The following MSI2 variants were observed in gnomAD, a reference collection of about 807,000 sequenced individuals.
The protein encoded by MSI2 is musashi RNA binding protein 2.
MSI2 carries 17 observed loss-of-function variants against 45.6 expected under a neutral mutation model. That is an observed-to-expected ratio of 0.37 (90% CI 0.26 to 0.56). The LOEUF (loss-of-function observed/expected upper bound fraction) is 0.56, where lower values mean the gene tolerates loss of function less well. Ranked by LOEUF, MSI2 falls within the 20% of genes least tolerant of loss-of-function variation. MSI2 has a pLI of 0.77. For missense variants in MSI2, 293 were observed against 444.2 expected, an observed-to-expected ratio of 0.66 and a Z score of 3.06; for synonymous variants, 156 against 158.2, an observed-to-expected ratio of 0.99 and a Z score of 0.11.
At chr17:57,505,180 A>C (rs1470928662) in intron 6 of MSI2, among the ~76,000 whole-genome samples, 1 of 152,136 alleles carries the variant, frequency 6.6e-6, no homozygotes, top group Non-Finnish European at 1.5e-5. Flanking sequence ...AACAGCAAAG[A>C]AGTGAGCCTG....
chr17:57,626,550 CAG>C (rs1221506745), intron 9 of MSI2: 2 of 152,294 alleles, frequency 1.3e-5, no homozygotes, highest in South Asian at 2.1e-4. Flanking sequence ...CCTGCTGAGA[CAG>C]GGGTCTAGAA....
In MSI2 at chr17:57,413,156, T is replaced by TAC. The variant is rs142358775; in HGVS notation, c.405+11700_405+11701dup. On this transcript the variant is annotated intron_variant, in intron 6 of 13. Coordinates refer to ENST00000284073, the MANE Select transcript of MSI2 (RefSeq NM_138962.4). The stretch of plus-strand genomic sequence containing the variant: ...GCTTGCTAGTGCAACAGCCTTTATA[T>TAC]ACACACACACACACACTCTCTCTCT... Among the ~76,000 whole-genome samples the TAC allele has an allele frequency of 4.8e-3, 725 of 151,764 alleles. 1 individual carries two copies. Among genetic ancestry groups the TAC allele is most frequent in the Middle Eastern group, 0.01 (3 of 294 alleles).
chr17:57,523,129 C>T (rs1156837017), intron 6 of MSI2, among the ~76,000 whole-genome samples: 1 of 151,606 alleles, frequency 6.6e-6, no homozygotes, highest in Non-Finnish European at 1.5e-5. Flanking sequence ...CTCACTGCAA[C>T]CTCCACCTCC....
At chr17:57,693,872 G>C in the MSI2 span, among the ~76,000 whole-genome samples, 1 of 152,208 alleles carries the variant, frequency 6.6e-6, no homozygotes, top group Non-Finnish European at 1.5e-5. Flanking sequence ...TATGGTCCTT[G>C]GGCCAAATCA....
intron 5 of MSI2, among the ~76,000 whole-genome samples, chr17:57,357,169 A>G (rs921561552): frequency 5.3e-5 from 8 of 152,048 alleles, no homozygotes; most frequent in African/African-American, 1.7e-4. Context: ...AGCCTTGTTC[A>G]CTGCCACAAA....
At position 57,627,596 on chromosome 17, in the gene MSI2, T is replaced by C. The variant is rs1567945939; in HGVS notation, c.727+293T>C. The C allele has an allele frequency of 1.5e-5, 7 of 456,492 alleles. No homozygotes were observed. The South Asian group carries it at 1.9e-4, about 12-fold the overall frequency. The allele number at this position is 456,492 out of a possible 1,614,324, so 28.3% of individuals were successfully genotyped here. A position where few individuals can be genotyped will look rare whatever the true frequency, so the allele number is the denominator to read the frequency against. On this transcript the variant is annotated intron_variant, in intron 10 of 13. Transcript: ENST00000284073. This position sits in a 1 kb window ranked among gnomAD's most constrained non-coding sequence, Gnocchi z 4.6. ...GCTCACCTCCTTTTTCTGAAGCCTC[T>C]TCCGGGTTTTTTCTCACTGGGGACT... is the stretch of plus-strand genomic sequence containing the variant.
At chr17:57,279,579 C>G (rs72830820) in intron 5 of MSI2, 1 of 152,162 alleles carries the variant, frequency 6.6e-6, no homozygotes, top group African/African-American at 2.4e-5. Context: ...CTTGTGGAGT[C>G]TGTGGCTGGC....
At chr17:57,660,914 G>A (rs1304435412) in intron 11 of MSI2, among the ~76,000 whole-genome samples, 1 of 152,204 alleles carries the variant, frequency 6.6e-6, no homozygotes, top group African/African-American at 2.4e-5. Context: ...TACATGGGCA[G>A]GGCCTGTGAG....
intron 5 of MSI2, among the ~76,000 whole-genome samples, chr17:57,373,123 G>A (rs1489074614): frequency 6.6e-6 from 1 of 151,952 alleles, no homozygotes; most frequent in Non-Finnish European, 1.5e-5. Context: ...TGGGCGTGGT[G>A]GTGTGTGTCT....
At chr17:57,504,418 G>C (rs1339824318) in intron 6 of MSI2, among the ~76,000 whole-genome samples, 1 of 152,204 alleles carries the variant, frequency 6.6e-6, no homozygotes, top group African/African-American at 2.4e-5. Flanking sequence ...CTTGACTGGG[G>C]GTGTGCGTCC....
intron 5 of MSI2, among the ~76,000 whole-genome samples, chr17:57,314,542 ACC>A (rs1567751953): frequency 2.7e-5 from 4 of 146,952 alleles, no homozygotes; most frequent in African/African-American, 1.0e-4. Context: ...ATATGTGACC[ACC>A]TGTTCAGTCA....
intron 6 of MSI2, among the ~76,000 whole-genome samples, chr17:57,451,952 GGCGTGAGGAAGTTGT>G (rs1322312072): frequency 2.0e-5 from 3 of 152,162 alleles, no homozygotes; most frequent in African/African-American, 7.2e-5. Flanking sequence ...GGAGTATCAG[GGCGTGAGGAAGTTGT>G]GCAGACAGGA....
intron 6 of MSI2, among the ~76,000 whole-genome samples, chr17:57,439,209 G>T (rs1187859908): frequency 6.6e-6 from 1 of 152,146 alleles, no homozygotes; most frequent in Non-Finnish European, 1.5e-5. Context: ...GCTGGGGAAG[G>T]CTTGGCTTCT....
At chr17:57,427,750 T>G (rs934990294) in intron 6 of MSI2, among the ~76,000 whole-genome samples, 4 of 152,196 alleles carry the variant, frequency 2.6e-5, no homozygotes, top group Non-Finnish European at 2.9e-5. Context: ...CAAATTTGAT[T>G]TGTTAGGAAT....
chr17:57,499,013 A>G (rs745587420), intron 6 of MSI2, among the ~76,000 whole-genome samples: 1 of 143,792 alleles, frequency 7.0e-6, no homozygotes, highest in Non-Finnish European at 1.5e-5. Context: ...ATATGCCCCC[A>G]GGTGAATTGA....
At chr17:57,313,090 CA>C (rs1912536526) in intron 5 of MSI2, among the ~76,000 whole-genome samples, 1 of 152,142 alleles carries the variant, frequency 6.6e-6, no homozygotes, top group Non-Finnish European at 1.5e-5. Context: ...CGTGATCCAC[CA>C]GCCTCAGCCT....
chr17:57,397,859 G>A (rs2083918271), intron 5 of MSI2, among the ~76,000 whole-genome samples: 1 of 152,208 alleles, frequency 6.6e-6, no homozygotes. Flanking sequence ...CGTTTGGAAG[G>A]TTTTGATTAA....
At chr17:57,571,205 A>C (rs2087868571) in intron 7 of MSI2, among the ~76,000 whole-genome samples, 1 of 152,168 alleles carries the variant, frequency 6.6e-6, no homozygotes, top group South Asian at 2.1e-4. Context: ...AGCTCCGAGG[A>C]ACCAGAGGCA....
intron 6 of MSI2, among the ~76,000 whole-genome samples, chr17:57,454,604 T>G (rs1326879990): frequency 6.6e-6 from 1 of 151,894 alleles, no homozygotes; most frequent in African/African-American, 2.4e-5. Context: ...GCCTGGCAAA[T>G]TTTTTGTATT....
Sources: gnomAD v4.1 joint callset for allele counts (sites outside exome capture counted in the v4.1 genomes callset) on GRCh38, gnomAD v4.1.1 for gene constraint, Gnocchi (gnomAD v3.1) non-coding constraint, MANE v1.5 for transcripts, NCBI Gene and HGNC (gene_info 2026-07-23, HGNC 2026-07-21) for gene names.